MYH9: variants seen among roughly 807,000 people sequenced by gnomAD.
MYH9 encodes the protein myosin heavy chain 9, also known as myosin-9.
Under a neutral mutation model 241.9 loss-of-function variants are expected in MYH9, and 29 were observed. That is an observed-to-expected ratio of 0.12 (90% CI 0.09 to 0.16). The LOEUF (loss-of-function observed/expected upper bound fraction) is 0.16. MYH9 is among the 10% of genes least tolerant of loss of function. MYH9 has a pLI of 1.00. For synonymous variants in MYH9, 1,047 were observed against 1,062.6 expected (o/e 0.99, Z 0.29); for missense variants, 1,803 against 2,595.5 (o/e 0.69, Z 6.63).
intron 1 of MYH9, among the ~76,000 whole-genome samples, chr22:36,383,656 T>TTA (rs1569537345): frequency 5.0e-5 from 5 of 100,914 alleles, no homozygotes; most frequent in Non-Finnish European, 1.3e-4. Flanking sequence ...TCATTTATAT[T>TTA]AAAAAAAAAG....
rs1022235284 is a variant in MYH9, at chr22:36,306,841, T to G, written c.1844-234A>C. 3.9e-5 allele frequency among the ~76,000 whole-genome samples: 6 copies of G among 152,202 alleles called. No individual in the cohort carries two copies. The highest frequency in any genetic ancestry group is 1.4e-4 in the African/African-American group (6 of 41,456). ...CTTGTCTCTTGGGGAGCCATGCATC[T>G]GCCATGGCCACCTCACCTTCCTGTC... On this transcript the variant is annotated intron_variant, in intron 15 of 40. Coordinates refer to ENST00000216181, the MANE Select transcript of MYH9 (RefSeq NM_002473.6). The surrounding 1 kb of genome is among the most constrained non-coding windows in gnomAD (Gnocchi z 4.1).
Position 36,292,017 on chromosome 22 carries a change from T to C in MYH9, c.4313A>G (p.Asn1438Ser). ...DLDHQRQSAC[N>S]LEKKQKKFDQ... ...AAACTTCTTCTGCTTCTTCTCCAGG[T>C]TGCACGCGCTCTGGCGCTGGTGGTC... The change falls in exon 31 of 41, where the codon AAC becomes AGC. Residue 1438 changes from asparagine (N) to serine (S), a missense_variant. By Grantham distance (46) the Asn-to-Ser change is conservative. This residue lies in a region of MYH9 where 876 missense variants were observed against 1,077.8 expected (regional missense o/e 0.81). Transcript: ENST00000216181. 6.2e-7 allele frequency: 1 copy of C among 1,614,184 alleles called. No homozygotes were observed. Among genetic ancestry groups the C allele is most frequent in the Non-Finnish European group, 8.5e-7 (1 of 1,180,030 alleles).
chr22:36,331,951 G>A (rs2017427272), intron 3 of MYH9, among the ~76,000 whole-genome samples: 1 of 152,214 alleles, frequency 6.6e-6, no homozygotes, highest in Non-Finnish European at 1.5e-5. Context: ...CCACCACCAG[G>A]GAGTCTTCTG....
intron 1 of MYH9, among the ~76,000 whole-genome samples, chr22:36,368,691 AC>A (rs2018046490): frequency 6.6e-6 from 1 of 151,644 alleles, no homozygotes; most frequent in South Asian, 2.1e-4. Flanking sequence ...TTATCTCCCC[AC>A]CCTTACCCCT....
chr22:36,291,849 C>T (rs2016709306), intron 31 of MYH9, 137 bp downstream of exon 31: 1 of 1,279,800 alleles, frequency 7.8e-7, no homozygotes, highest in Admixed American at 2.1e-5. Context: ...GCCTGAGGGT[C>T]CTCTAAGCAC....
intron 14 of MYH9, among the ~76,000 whole-genome samples, chr22:36,309,642 G>A (rs935900811): frequency 2.6e-5 from 4 of 152,354 alleles, no homozygotes; most frequent in Admixed American, 2.6e-4. Flanking sequence ...ACGGGAGCCT[G>A]GCTCTAGACA....
intron 2 of MYH9, among the ~76,000 whole-genome samples, chr22:36,344,497 C>T (rs1200892072): frequency 1.3e-5 from 2 of 152,190 alleles, no homozygotes; most frequent in Admixed American, 6.5e-5. Flanking sequence ...CGCCCAGGGG[C>T]GCTGACATGC....
chr22:36,316,589 A>G lies in MYH9; in HGVS notation c.1308T>C (p.Ala436=). Residue 436 remains alanine, a synonymous_variant, in exon 12 of 41, where the codon GCT becomes GCC. Transcript: ENST00000216181. The stretch of plus-strand genomic sequence containing the variant: ...CGCCCTGCCTCTTGGTCTTGTCCAG[A>G]GCCTTGTTGATGCGCAGCACCAGCC... The part of the protein sequence containing the change: ...FRWLVLRINK[A]LDKTKRQGAS... 1.9e-6 allele frequency: 3 copies of G among 1,614,126 alleles called. No homozygotes were observed. The highest frequency in any genetic ancestry group is 1.7e-6 in the Non-Finnish European group (2 of 1,180,022).
At chr22:36,368,594 G>T (rs1007550212) in intron 1 of MYH9, among the ~76,000 whole-genome samples, 4 of 152,176 alleles carry the variant, frequency 2.6e-5, no homozygotes, top group African/African-American at 9.7e-5. Flanking sequence ...ACCAGTATCT[G>T]TCCTCCTGTC....
chr22:36,286,774 T>C lies in MYH9; in HGVS notation c.5005A>G (p.Lys1669Glu). ...ASREEILAQA[K>E]ENEKKLKSME... Reference sequence around the variant, plus strand: ...CTCTTCAGCTTCTTCTCGTTCTCTTTGGCCTGGGCCAGGATCTCCTCACGA... The same window carrying C: ...CTCTTCAGCTTCTTCTCGTTCTCTTCGGCCTGGGCCAGGATCTCCTCACGA... The change falls in exon 35 of 41, where the codon AAA (lysine) becomes GAA (glutamate). Residue 1669 changes from lysine to glutamate, a missense_variant. Lys to Glu is a moderately conservative substitution (Grantham distance 56). Transcript: ENST00000216181. 1 of 1,613,194 alleles carries C rather than the reference T, an allele frequency of 6.2e-7. No homozygotes were observed. The highest frequency in any genetic ancestry group is 8.5e-7 in the Non-Finnish European group (1 of 1,180,042).
chr22:36,310,085 A>G (rs1453144236), intron 14 of MYH9, among the ~76,000 whole-genome samples: 2 of 152,110 alleles, frequency 1.3e-5, no homozygotes, highest in African/African-American at 4.8e-5. Flanking sequence ...CCCCATCTCT[A>G]TTAAAAATAC....
At chr22:36,341,250 A>G (rs1167992726) in intron 3 of MYH9, 120 bp downstream of exon 3, 1 of 1,280,790 alleles carries the variant, frequency 7.8e-7, no homozygotes, top group East Asian at 2.4e-5. Flanking sequence ...TCCATGATGC[A>G]CTGCCCATCA....
intron 14 of MYH9, among the ~76,000 whole-genome samples, chr22:36,311,183 G>A (rs547296201): frequency 6.6e-6 from 1 of 152,348 alleles, no homozygotes; most frequent in South Asian, 2.1e-4. Context: ...CACACGATAT[G>A]CTGAGAAAAA....
intron 3 of MYH9, among the ~76,000 whole-genome samples, chr22:36,332,196 G>A (rs556198309): frequency 2.6e-5 from 4 of 152,312 alleles, no homozygotes; most frequent in South Asian, 2.1e-4. Context: ...AAAGGGCCGC[G>A]ACACTCTCAT....
intron 11 of MYH9, 49 bp downstream of exon 11, chr22:36,318,158 G>T: frequency 2.0e-6 from 3 of 1,510,194 alleles, no homozygotes; most frequent in Non-Finnish European, 2.8e-6. Flanking sequence ...GCTGCTGCAG[G>T]GACATTCACC....
Position 36,306,325 on chromosome 22 carries a change from G to T in MYH9, c.2037+89C>A. Reference sequence around the variant, plus strand: ...AAGGCTCTGTGCATGCTGGGGGGCTGGAGGGGTGCTTTTGCTGGGGAGACA... The same window carrying T: ...AAGGCTCTGTGCATGCTGGGGGGCTTGAGGGGTGCTTTTGCTGGGGAGACA... On this transcript the variant is annotated intron_variant, in intron 16 of 40. Coordinates refer to ENST00000216181, the MANE Select transcript of MYH9 (RefSeq NM_002473.6). This position sits in a 1 kb window ranked among gnomAD's most constrained non-coding sequence, Gnocchi z 4.1. 1.3e-6 allele frequency: 2 copies of T among 1,526,884 alleles called. No individual in the cohort carries two copies. Among genetic ancestry groups the T allele is most frequent in the Non-Finnish European group, 9.0e-7 (1 of 1,116,112 alleles). The allele number at this position is 1,526,884 out of a possible 1,614,324, so 94.6% of individuals were successfully genotyped here. A position where few individuals can be genotyped will look rare whatever the true frequency, so the allele number is the denominator to read the frequency against.
At chr22:36,372,119 C>T (rs187150893) in intron 1 of MYH9, among the ~76,000 whole-genome samples, 4 of 152,242 alleles carry the variant, frequency 2.6e-5, no homozygotes, top group Non-Finnish European at 5.9e-5. Flanking sequence ...CCACACCCCA[C>T]TTCCTGTTGC....
chr22:36,296,227 AAAAT>A (rs1264483349), intron 25 of MYH9, among the ~76,000 whole-genome samples: 4 of 152,124 alleles, frequency 2.6e-5, no homozygotes, highest in Non-Finnish European at 5.9e-5. Context: ...ACTACTCTAA[AAAAT>A]AAAGTCTCTT....
chr22:36,341,925 G>A (rs1032293081), intron 2 of MYH9, among the ~76,000 whole-genome samples: 7 of 152,356 alleles, frequency 4.6e-5, no homozygotes, highest in African/African-American at 1.4e-4. Flanking sequence ...CAGCTGCAGC[G>A]CAGCAAACTG....
Sources: allele counts gnomAD v4.1 joint callset (sites outside exome capture counted in the v4.1 genomes callset), GRCh38; gene constraint gnomAD v4.1.1; regional missense constraint gnomAD v4.1.1; non-coding constraint Gnocchi (gnomAD v3.1); transcripts MANE v1.5; gene names NCBI Gene and HGNC (gene_info 2026-07-23, HGNC 2026-07-21).